RPS6KA5: variants seen among roughly 807,000 people sequenced by gnomAD.
RPS6KA5 encodes ribosomal protein S6 kinase A5.
Under a neutral mutation model 85.5 loss-of-function variants are expected in RPS6KA5, and 27 were observed. That is an observed-to-expected ratio of 0.32 (90% confidence interval 0.23 to 0.44). The LOEUF is 0.44. Ranked by LOEUF, RPS6KA5 falls within the 20% of genes least tolerant of loss-of-function variation. The probability of loss-of-function intolerance (pLI) is 1.00; values close to 1 mark genes in which losing one functional copy is unlikely to be tolerated. For synonymous variants in RPS6KA5, 334 were observed against 348.2 expected (o/e 0.96, Z 0.46); for missense variants, 811 against 980.9 (o/e 0.83, Z 2.31).
chr14:90,964,915 A>C (rs1292302652), intron 3 of RPS6KA5, among the ~76,000 whole-genome samples: 3 of 65,682 alleles, frequency 4.6e-5, no homozygotes, highest in Admixed American at 2.6e-4. Context: ...ACCCTGTCTC[A>C]AAAAAAAAAA....
intron 3 of RPS6KA5, among the ~76,000 whole-genome samples, chr14:90,956,385 T>C (rs922272864): frequency 1.6e-4 from 24 of 152,172 alleles, no homozygotes; most frequent in Admixed American, 2.6e-4. Flanking sequence ...TTTATCTTTT[T>C]AATCATTTTT....
At chr14:90,906,437 A>G in intron 7 of RPS6KA5, 138 bp from the exon 8 acceptor site, 1 of 575,352 alleles carries the variant, frequency 1.7e-6, no homozygotes, top group Non-Finnish European at 2.8e-6. Context: ...ATACCTCAAT[A>G]CTGTTGAAAA....
rs1182058126 is a variant in RPS6KA5 at position 90,857,674 on chromosome 14, A to C, written c.*14400T>G. ...CTACAGAGTTTTTTCAAAAGGCTAA[A>C]AATATTTATATAAAGAAGATGTAAT... is the stretch of plus-strand genomic sequence containing the variant. On this transcript the variant is annotated 3_prime_UTR_variant, in exon 17 of 17. Coordinates refer to ENST00000614987, the MANE Select transcript of RPS6KA5 (RefSeq NM_004755.4). 1 of 152,202 alleles carries C rather than the reference A, an allele frequency of 6.6e-6. No homozygotes were observed. The highest frequency in any genetic ancestry group is 1.9e-4 in the East Asian group (1 of 5,190). 9.4% of individuals were successfully genotyped at this position (152,202 alleles called of 1,614,324 possible).
intron 1 of RPS6KA5, among the ~76,000 whole-genome samples, chr14:91,003,335 G>T (rs974235960): frequency 1.3e-5 from 2 of 152,052 alleles, no homozygotes; most frequent in African/African-American, 4.8e-5. Flanking sequence ...TTGATACACA[G>T]AATTAACTTT....
chr14:90,964,932 A>C (rs1437930272), intron 3 of RPS6KA5, among the ~76,000 whole-genome samples: 24 of 147,796 alleles, frequency 1.6e-4, no homozygotes, highest in Admixed American at 3.4e-4. Context: ...AAAAAAAAAA[A>C]AAACCAAAAA....
chr14:90,945,465 A>G (rs1196019096), intron 4 of RPS6KA5, among the ~76,000 whole-genome samples: 1 of 152,208 alleles, frequency 6.6e-6, no homozygotes, highest in Admixed American at 6.5e-5. Context: ...TATCTGCGTC[A>G]CCTCATCACT....
intron 1 of RPS6KA5, among the ~76,000 whole-genome samples, chr14:91,033,721 T>C (rs1347659069): frequency 6.6e-6 from 1 of 152,232 alleles, no homozygotes; most frequent in Non-Finnish European, 1.5e-5. Flanking sequence ...AATTATCTAG[T>C]ACAGGTGAAG....
chr14:90,978,148 A>G (rs951294031), intron 3 of RPS6KA5, among the ~76,000 whole-genome samples, 158 bp downstream of exon 3: 3 of 152,230 alleles, frequency 2.0e-5, no homozygotes, highest in Admixed American at 1.3e-4. Flanking sequence ...TCAAATCCAG[A>G]GCAATGCATG....
At chr14:90,931,093 C>T (rs1057262724) in intron 5 of RPS6KA5, among the ~76,000 whole-genome samples, 6 of 152,180 alleles carry the variant, frequency 3.9e-5, no homozygotes, top group Admixed American at 2.6e-4. Context: ...TGCACAACCA[C>T]GTTCACTGTA....
intron 1 of RPS6KA5, among the ~76,000 whole-genome samples, chr14:91,020,660 G>GTTTA (rs2041728008): frequency 7.3e-6 from 1 of 136,884 alleles, no homozygotes; most frequent in East Asian, 2.2e-4. Flanking sequence ...GTTTATATGT[G>GTTTA]TATGTGTATG....
At chr14:91,012,412 T>C (rs922855693) in intron 1 of RPS6KA5, among the ~76,000 whole-genome samples, 1 of 152,238 alleles carries the variant, frequency 6.6e-6, no homozygotes, top group Non-Finnish European at 1.5e-5. Context: ...AAAACAACTA[T>C]ATATGGTAAT....
intron 4 of RPS6KA5, among the ~76,000 whole-genome samples, chr14:90,946,337 G>A (rs190266073): frequency 1.3e-5 from 2 of 151,944 alleles, no homozygotes; most frequent in East Asian, 3.9e-4. Context: ...TTCCCTGCTT[G>A]TTCTCACACG....
At chr14:91,034,034 A>G (rs1213041247) in intron 1 of RPS6KA5, among the ~76,000 whole-genome samples, 2 of 152,124 alleles carry the variant, frequency 1.3e-5, no homozygotes, top group Non-Finnish European at 2.9e-5. Flanking sequence ...GGCCAGGCGC[A>G]GTGGTTCATG....
intron 5 of RPS6KA5, among the ~76,000 whole-genome samples, chr14:90,924,165 T>C (rs940150371): frequency 2.0e-4 from 30 of 152,118 alleles, no homozygotes; most frequent in African/African-American, 6.5e-4. Context: ...TCACTGAGAA[T>C]AGTAGTAAAT....
intron 1 of RPS6KA5, among the ~76,000 whole-genome samples, chr14:91,027,041 T>C (rs553631934): frequency 3.3e-5 from 5 of 152,338 alleles, no homozygotes; most frequent in Non-Finnish European, 5.9e-5. Flanking sequence ...GTCAGATACA[T>C]AGTTGCGAAT....
chr14:90,952,541 C>T (rs1032702937), intron 3 of RPS6KA5, among the ~76,000 whole-genome samples: 3 of 152,248 alleles, frequency 2.0e-5, no homozygotes, highest in Non-Finnish European at 4.4e-5. Context: ...TCAAACAGCT[C>T]ATTTTGTTAA....
intron 2 of RPS6KA5, among the ~76,000 whole-genome samples, chr14:90,988,370 A>G (rs2040149244): frequency 6.6e-6 from 1 of 152,256 alleles, no homozygotes; most frequent in African/African-American, 2.4e-5. Context: ...CTAAAACTGA[A>G]AAACAAAATA....
chr14:90,936,141 T>C (rs1024694571), intron 5 of RPS6KA5, among the ~76,000 whole-genome samples: 5 of 152,380 alleles, frequency 3.3e-5, no homozygotes, highest in African/African-American at 9.6e-5. Flanking sequence ...TCTCAAGAGC[T>C]TGATCGAATT....
At chr14:90,973,315 C>T (rs1172637025) in intron 3 of RPS6KA5, among the ~76,000 whole-genome samples, 1 of 151,910 alleles carries the variant, frequency 6.6e-6, no homozygotes, top group Non-Finnish European at 1.5e-5. Context: ...TGGTGGCATG[C>T]ATCTGTAGTC....
Sources: gnomAD v4.1 joint callset for allele counts (sites outside exome capture counted in the v4.1 genomes callset) on GRCh38, gnomAD v4.1.1 for gene constraint, MANE v1.5 for transcripts, NCBI Gene and HGNC (gene_info 2026-07-23, HGNC 2026-07-21) for gene names.